Variants in ZBTB17 observed in about 807,000 individuals in gnomAD.
ZBTB17 encodes zinc finger and BTB domain-containing protein 17.
ZBTB17 carries 24 observed loss-of-function variants against 85.1 expected under a neutral mutation model. The observed-to-expected ratio is 0.28, with a 90% confidence interval of 0.20 to 0.40. The LOEUF is 0.40. Among genes scored for constraint, ZBTB17 ranks in the 10% least tolerant of loss-of-function variants. The probability of loss-of-function intolerance (pLI) is 1.00; values close to 1 mark genes in which losing one functional copy is unlikely to be tolerated. For synonymous variants in ZBTB17, 464 were observed against 460.2 expected, an observed-to-expected ratio of 1.01 and a Z score of -0.11; for missense variants, 743 against 1,105.1, an observed-to-expected ratio of 0.67 and a Z score of 4.65.
intron 3 of ZBTB17, among the ~76,000 whole-genome samples, chr1:15,947,733 A>T (rs1011846564): frequency 4.6e-5 from 7 of 152,254 alleles, no homozygotes; most frequent in Middle Eastern, 3.4e-3. Flanking sequence ...TCTCTATCTG[A>T]CTGACCTCCA....
Position 15,956,604 on chromosome 1 carries a change from T to G in ZBTB17, c.-2-8107A>C, listed in dbSNP as rs116263580. 8.7e-4 allele frequency among the ~76,000 whole-genome samples: 132 copies of G among 152,194 alleles called. 1 individual carries two copies. The highest frequency in any genetic ancestry group is 3.1e-3 in the African/African-American group (129 of 41,516). On this transcript the variant is annotated intron_variant, in intron 2 of 15. Coordinates refer to ENST00000375743, the MANE Select transcript of ZBTB17 (RefSeq NM_003443.3). ...ATTTCCCCAATATAGAGAAAATCAGTGGGGTGATACAGCTGCTCATCTACT... is the reference window on the plus strand; with the variant it reads ...ATTTCCCCAATATAGAGAAAATCAGGGGGGTGATACAGCTGCTCATCTACT...
rs1216043527 is a variant in ZBTB17, at chr1:15,951,066, G to A, written c.-2-2569C>T. ...ACCACCACCCGCCAAGAGAGCAGCT[G>A]TGTGCCCATGAGCAACATTTTCCAC... is the stretch of plus-strand genomic sequence containing the variant. On this transcript the variant is annotated intron_variant, in intron 2 of 15. Transcript: ENST00000375743. The surrounding 1 kb of genome is among the most constrained non-coding windows in gnomAD (Gnocchi z 4.1). 6.6e-6 allele frequency among the ~76,000 whole-genome samples: 1 copy of A among 152,202 alleles called. No individual in the cohort carries two copies. Among genetic ancestry groups the A allele is most frequent in the Non-Finnish European group, 1.5e-5 (1 of 68,020 alleles).
At position 15,946,225 on chromosome 1, in the gene ZBTB17, C is replaced by T. The variant is rs148471565; in HGVS notation, c.464G>A (p.Arg155His). The T allele has an allele frequency of 8.7e-6, 14 of 1,613,480 alleles. No individual in the cohort carries two copies. Among genetic ancestry groups the T allele is most frequent in the South Asian group, 3.3e-5 (3 of 91,086 alleles). The change falls in exon 5 of 16, where the codon CGC (arginine) becomes CAC (histidine). Residue 155 changes from arginine to histidine, a missense_variant. By Grantham distance (29) the Arg-to-His change is conservative. Transcript: ENST00000375743. ...STLSRLEQAG[R>H]STPIGPSRDL... ...CCTGCTGGGGCCTATGGGTGTGCTG[C>T]GTCCTGCCTGCTCCAGCCTGCTCAG...
chr1:15,948,146 T>G, intron 3 of ZBTB17, 145 bp downstream of exon 3: 2 of 939,084 alleles, frequency 2.1e-6, no homozygotes, highest in South Asian at 2.8e-5. Flanking sequence ...AACTTAGTAC[T>G]GAATTGCTCA....
rs534940294 is a variant in ZBTB17, at chr1:15,970,483, C to A, written c.-3+2556G>T. On this transcript the variant is annotated intron_variant, in intron 2 of 15. Coordinates refer to ENST00000375743, the MANE Select transcript of ZBTB17 (RefSeq NM_003443.3). ...CTCAGCTCACTGCAACCTCCGCCTC[C>A]CGGGTTCTCCTGCCTCAGCCTCCCG... 2.0e-4 allele frequency among the ~76,000 whole-genome samples: 25 copies of A among 125,676 alleles called. No individual in the cohort carries two copies. The South Asian group carries it at 6.8e-3, about 34-fold the overall frequency. 82.4% of individuals were successfully genotyped at this position (125,676 alleles called of 152,430 possible). A position where few individuals can be genotyped will look rare whatever the true frequency, so the allele number is the denominator to read the frequency against.
rs777259857 is a variant in ZBTB17 at position 15,943,499 on chromosome 1, C to A, written c.1597G>T (p.Val533Leu). 1 of 1,610,272 alleles carries A rather than the reference C, an allele frequency of 6.2e-7. No homozygotes were observed. The highest frequency in any genetic ancestry group is 8.5e-7 in the Non-Finnish European group (1 of 1,177,560). The change falls in exon 12 of 16, where the codon GTG (valine) becomes TTG (leucine). Residue 533 changes from valine (V) to leucine (L), a missense_variant. Val to Leu is a conservative substitution (Grantham distance 32). Around this residue, in one of 4 missense-constraint regions of ZBTB17, gnomAD observed 321 missense variants for 615.7 expected, o/e 0.52. Transcript: ENST00000375743. ...IHTGEKPCQC[V>L]MCGKAFTQAS... ...TGGGTGAAGGCCTTACCGCACATCA[C>A]ACACTGGCATGGCTTCTCACCTGGG...
rs2071430726 is a variant in ZBTB17, at chr1:15,943,098, C to A, written c.1794G>T (p.Val598=). The A allele has an allele frequency of 1.9e-6, 3 of 1,614,100 alleles. No individual in the cohort carries two copies. Among genetic ancestry groups the A allele is most frequent in the South Asian group, 1.1e-5 (1 of 91,082 alleles). Reference sequence around the variant, plus strand: ...TGATGATGTGCTTGGACAGGTCCCCCACGTTCACGAAGGCCTTGCTGCACA... The same window carrying A: ...TGATGATGTGCTTGGACAGGTCCCCAACGTTCACGAAGGCCTTGCTGCACA... ...CSVCSKAFVN[V]GDLSKHIIIH... Residue 598 remains valine, a synonymous_variant, in exon 13 of 16, where the codon GTG becomes GTT. Coordinates refer to ENST00000375743, the MANE Select transcript of ZBTB17 (RefSeq NM_003443.3).
intron 5 of ZBTB17, 29 bp downstream of exon 5, chr1:15,946,125 G>C (rs1557776116): frequency 6.2e-7 from 1 of 1,602,074 alleles, no homozygotes; most frequent in Non-Finnish European, 8.5e-7. Context: ...TGACAGGACA[G>C]CCGGCTGGGT....
At position 15,972,802 on chromosome 1, in the gene ZBTB17, T is replaced by C. The variant is rs1342755152; in HGVS notation, c.-3+237A>G. Reference sequence around the variant, plus strand: ...ACTTCTGTTTCCACCACTGTAGATTTCACCTAACTAAAGGCGTGAGCATTG... The same window carrying C: ...ACTTCTGTTTCCACCACTGTAGATTCCACCTAACTAAAGGCGTGAGCATTG... On this transcript the variant is annotated intron_variant, in intron 2 of 15. Coordinates refer to ENST00000375743, the MANE Select transcript of ZBTB17 (RefSeq NM_003443.3). Among the ~76,000 whole-genome samples the C allele has an allele frequency of 3.3e-5, 5 of 152,218 alleles. 1 individual carries two copies. Among genetic ancestry groups the C allele is most frequent in the Non-Finnish European group, 7.3e-5 (5 of 68,040 alleles).
chr1:15,971,481 TATACACACACTATATATATATAC>T (rs1259133692), intron 2 of ZBTB17, among the ~76,000 whole-genome samples: 25 of 123,122 alleles, frequency 2.0e-4, no homozygotes, highest in African/African-American at 7.1e-4. Context: ...ACACTATATA[TATACACACACTATATATATATAC>T]ACACACACTA....
At chr1:15,961,715 C>G (rs914958151) in intron 2 of ZBTB17, among the ~76,000 whole-genome samples, 11 of 152,322 alleles carry the variant, frequency 7.2e-5, no homozygotes, top group African/African-American at 2.4e-4. Flanking sequence ...TCCCACCCGC[C>G]AGCCGCTTTG....
chr1:15,957,677 G>A (rs1316998507), intron 2 of ZBTB17, among the ~76,000 whole-genome samples: 2 of 152,186 alleles, frequency 1.3e-5, no homozygotes, highest in African/African-American at 4.8e-5. Flanking sequence ...GGCTACTACA[G>A]TAGAGAAGAG....
intron 13 of ZBTB17, 129 bp downstream of exon 13, chr1:15,942,935 G>C: frequency 6.9e-7 from 1 of 1,440,798 alleles, no homozygotes; most frequent in Non-Finnish European, 9.4e-7. Context: ...GAACAGAACT[G>C]CCTTCAAGGC....
intron 2 of ZBTB17, among the ~76,000 whole-genome samples, chr1:15,950,297 C>T (rs2071786641): frequency 6.6e-6 from 1 of 152,242 alleles, no homozygotes; most frequent in African/African-American, 2.4e-5. Context: ...TGCTCCTATG[C>T]ACTGGACATG....
intron 4 of ZBTB17, among the ~76,000 whole-genome samples, 192 bp downstream of exon 4, chr1:15,946,743 C>T (rs972081554): frequency 2.2e-4 from 34 of 152,228 alleles, no homozygotes; most frequent in African/African-American, 8.0e-4. Context: ...GAACCAGGCA[C>T]GGCTCCCGGG....
At chr1:15,943,311 C>A in intron 12 of ZBTB17, 88 bp downstream of exon 12, 1 of 1,590,814 alleles carries the variant, frequency 6.3e-7, no homozygotes, top group Non-Finnish European at 8.6e-7. Context: ...CAGCAGTCAG[C>A]TCAGTCCCCA....
Position 15,943,425 on chromosome 1 carries a change from G to A in ZBTB17, c.1671C>T (p.Pro557=), listed in dbSNP as rs764198331. ...TCTTGCCGCAGCGCTCGCAGACGTA[G>A]GGCTTCTCCCCGGTGTGCTGGCGCA... is the stretch of plus-strand genomic sequence containing the variant. ...AHVRQHTGEK[P]YVCERCGKRF... The change falls in exon 12 of 16, where the codon CCC becomes CCT. Residue 557 remains proline, a synonymous_variant. Transcript: ENST00000375743. 1.2e-5 allele frequency: 19 copies of A among 1,607,758 alleles called. No homozygotes were observed. Among genetic ancestry groups the A allele is most frequent in the Non-Finnish European group, 1.4e-5 (16 of 1,176,656 alleles).
intron 2 of ZBTB17, among the ~76,000 whole-genome samples, chr1:15,959,469 T>G (rs912552788): frequency 7.8e-6 from 1 of 128,110 alleles, no homozygotes; most frequent in Non-Finnish European, 1.6e-5. Context: ...TAAAGAACAA[T>G]GGAGAGAAAA....
chr1:15,948,179 G>T, intron 3 of ZBTB17, 112 bp downstream of exon 3: 1 of 1,272,576 alleles, frequency 7.9e-7, no homozygotes, highest in East Asian at 2.4e-5. Context: ...TGTGCGGGAG[G>T]CCTGTTGCAT....
Sources: allele counts gnomAD v4.1 joint callset (sites outside exome capture counted in the v4.1 genomes callset), GRCh38; gene constraint gnomAD v4.1.1; regional missense constraint gnomAD v4.1.1; non-coding constraint Gnocchi (gnomAD v3.1); transcripts MANE v1.5; gene names NCBI Gene and HGNC (gene_info 2026-07-23, HGNC 2026-07-21).